AOAH: variants seen among roughly 807,000 people sequenced by gnomAD.
AOAH encodes acyloxyacyl hydrolase (neutrophil).
AOAH carries 64 observed loss-of-function variants against 92.2 expected under a neutral mutation model. The ratio of observed to expected loss-of-function variants is 0.69; its 90% CI spans 0.57 to 0.86. The LOEUF (loss-of-function observed/expected upper bound fraction) is 0.86, where lower values mean the gene tolerates loss of function less well. Ranked by LOEUF, AOAH falls within the 40% of genes least tolerant of loss-of-function variation. The pLI, the probability that AOAH is intolerant of heterozygous loss-of-function variation, is 0.00. For synonymous variants in AOAH, 263 were observed against 254.5 expected (o/e 1.03, Z -0.32); for missense variants, 656 against 694.6 (o/e 0.94, Z 0.62).
chr7:36,689,302 G>C (rs1323408875), intron 1 of AOAH, among the ~76,000 whole-genome samples: 1 of 152,180 alleles, frequency 6.6e-6, no homozygotes, highest in Non-Finnish European at 1.5e-5. Context: ...AGACTGGGTT[G>C]TATGTTAGTC....
chr7:36,611,675 CTGAGGCCAGAAG>C (rs1421878621), intron 11 of AOAH, among the ~76,000 whole-genome samples: 1 of 152,154 alleles, frequency 6.6e-6, no homozygotes, highest in South Asian at 2.1e-4. Context: ...TCCTCAGCCT[CTGAGGCCAGAAG>C]CAGGAACAGG....
chr7:36,569,972 T>C (rs1321777507), intron 13 of AOAH, among the ~76,000 whole-genome samples: 2 of 152,214 alleles, frequency 1.3e-5, no homozygotes, highest in African/African-American at 2.4e-5. Flanking sequence ...CTCTTGATTT[T>C]ATTTTTTGTC....
At chr7:36,620,303 T>C (rs1373426390) in intron 9 of AOAH, among the ~76,000 whole-genome samples, 2 of 152,132 alleles carry the variant, frequency 1.3e-5, no homozygotes. Context: ...TGCAAATCCA[T>C]TATTCATAGG....
intron 1 of AOAH, among the ~76,000 whole-genome samples, chr7:36,713,849 C>T (rs527337401): frequency 2.7e-4 from 41 of 152,278 alleles, no homozygotes; most frequent in Non-Finnish European, 5.0e-4. Context: ...AAATTTATAG[C>T]ACTAAATGCC....
At chr7:36,610,504 T>A (rs1217165994) in intron 11 of AOAH, among the ~76,000 whole-genome samples, 2 of 101,572 alleles carry the variant, frequency 2.0e-5, no homozygotes, top group Non-Finnish European at 4.1e-5. Flanking sequence ...TAACTTTTTT[T>A]TTTTTTTAAA....
chr7:36,715,732 C>T (rs1312044743), intron 1 of AOAH, among the ~76,000 whole-genome samples: 1 of 145,618 alleles, frequency 6.9e-6, no homozygotes, highest in Non-Finnish European at 1.5e-5. Context: ...GGAAAGGATT[C>T]CCTATTTAAT....
At chr7:36,535,037 T>A (rs1446536422) in intron 16 of AOAH, among the ~76,000 whole-genome samples, 1 of 105,622 alleles carries the variant, frequency 9.5e-6, no homozygotes, top group African/African-American at 4.3e-5. Context: ...TGTGTGTGTC[T>A]GTGTGTGTGT....
chr7:36,593,124 C>A (rs147661895), intron 12 of AOAH, among the ~76,000 whole-genome samples: 46 of 152,292 alleles, frequency 3.0e-4, no homozygotes, highest in African/African-American at 1.0e-3. Flanking sequence ...CTGTAGGAGA[C>A]CTGTCATTAG....
At chr7:36,637,941 C>G in intron 4 of AOAH, 31 bp from the exon 5 acceptor site, 1 of 1,548,240 alleles carries the variant, frequency 6.5e-7, no homozygotes. Context: ...AACATTACAA[C>G]TCATGTTTTA....
chr7:36,582,171 A>T (rs1345064345), intron 12 of AOAH, among the ~76,000 whole-genome samples: 1 of 152,134 alleles, frequency 6.6e-6, no homozygotes. Flanking sequence ...ACAAAAATCC[A>T]GTGTTCCAGT....
intron 9 of AOAH, among the ~76,000 whole-genome samples, chr7:36,619,146 C>T (rs967228552): frequency 2.0e-5 from 3 of 152,276 alleles, no homozygotes; most frequent in South Asian, 4.1e-4. Context: ...TTGAGAGCTC[C>T]CCATGCCCAT....
intron 5 of AOAH, among the ~76,000 whole-genome samples, chr7:36,634,284 G>A (rs999632482): frequency 2.6e-5 from 4 of 152,074 alleles, no homozygotes; most frequent in African/African-American, 7.2e-5. Flanking sequence ...ACAGCTCGGC[G>A]CCACACCCTG....
chr7:36,560,635 T>C (rs186034932), intron 13 of AOAH, among the ~76,000 whole-genome samples: 11 of 152,292 alleles, frequency 7.2e-5, no homozygotes, highest in African/African-American at 2.6e-4. Context: ...CCTTTTAGTG[T>C]AGTCTTTAGG....
intron 13 of AOAH, among the ~76,000 whole-genome samples, chr7:36,573,563 C>T (rs951804453): frequency 6.6e-6 from 1 of 152,016 alleles, no homozygotes; most frequent in Non-Finnish European, 1.5e-5. Context: ...ACTAAAAATA[C>T]AAAAAATAGC....
chr7:36,710,871 C>G (rs1798724903), intron 1 of AOAH, among the ~76,000 whole-genome samples: 1 of 145,164 alleles, frequency 6.9e-6, no homozygotes, highest in African/African-American at 2.5e-5. Context: ...AATCACAACC[C>G]TTTTGTGTCC....
chr7:36,596,109 T>C (rs535087690), intron 11 of AOAH, among the ~76,000 whole-genome samples: 28 of 152,258 alleles, frequency 1.8e-4, no homozygotes, highest in African/African-American at 6.5e-4. Flanking sequence ...AGGTAGTACA[T>C]GGGTTTGTTT....
intron 1 of AOAH, among the ~76,000 whole-genome samples, chr7:36,710,504 C>T (rs1407959186): frequency 6.6e-6 from 1 of 152,132 alleles, no homozygotes; most frequent in Non-Finnish European, 1.5e-5. Context: ...AGACTGAAGC[C>T]CTGGCCAACA....
intron 11 of AOAH, among the ~76,000 whole-genome samples, chr7:36,611,300 C>T (rs1341404168): frequency 6.6e-6 from 1 of 152,164 alleles, no homozygotes; most frequent in East Asian, 1.9e-4. Context: ...CTTGATAAGA[C>T]TCGTGAATTC....
chr7:36,716,517 T>C (rs1240118342), intron 1 of AOAH, among the ~76,000 whole-genome samples: 1 of 149,220 alleles, frequency 6.7e-6, no homozygotes, highest in Non-Finnish European at 1.5e-5. Context: ...TAAAGACACA[T>C]GCACACGTAT....
Sources: gnomAD v4.1 joint callset for allele counts (sites outside exome capture counted in the v4.1 genomes callset) on GRCh38, gnomAD v4.1.1 for gene constraint, MANE v1.5 for transcripts, NCBI Gene and HGNC (gene_info 2026-07-23, HGNC 2026-07-21) for gene names.